Variants in MTHFD1L observed in about 807,000 individuals in gnomAD.
MTHFD1L encodes monofunctional C1-tetrahydrofolate synthase, mitochondrial.
MTHFD1L carries 81 observed loss-of-function variants against 119.5 expected under a neutral mutation model. The observed-to-expected ratio is 0.68, with a 90% confidence interval of 0.57 to 0.82. The LOEUF (loss-of-function observed/expected upper bound fraction) is 0.82, where lower values mean the gene tolerates loss of function less well. Among genes scored for constraint, MTHFD1L ranks in the 40% least tolerant of loss-of-function variants. The pLI, the probability that MTHFD1L is intolerant of heterozygous loss-of-function variation, is 0.00. For missense variants in MTHFD1L, 1,125 were observed against 1,253.4 expected (o/e 0.90, Z 1.55); for synonymous variants, 430 against 475.2 (o/e 0.90, Z 1.24).
intron 26 of MTHFD1L, among the ~76,000 whole-genome samples, chr6:151,088,964 G>A (rs1346577204): frequency 1.3e-5 from 2 of 152,214 alleles, no homozygotes; most frequent in African/African-American, 4.8e-5. Context: ...TATGTTATCT[G>A]CAGTAGAGTC....
chr6:150,900,572 A>G (rs1440940257), intron 7 of MTHFD1L, among the ~76,000 whole-genome samples: 2 of 152,024 alleles, frequency 1.3e-5, no homozygotes, highest in Non-Finnish European at 2.9e-5. Context: ...CTTCCTGCAG[A>G]CGCCTCCTCC....
chr6:151,086,164 G>T (rs73622470), intron 26 of MTHFD1L, among the ~76,000 whole-genome samples: 2 of 152,080 alleles, frequency 1.3e-5, no homozygotes, highest in African/African-American at 2.4e-5. Flanking sequence ...AGCGGTGCAG[G>T]TTCCCAGCTA....
chr6:150,962,287 T>G (rs1796562385), intron 18 of MTHFD1L, among the ~76,000 whole-genome samples: 1 of 152,198 alleles, frequency 6.6e-6, no homozygotes, highest in Non-Finnish European at 1.5e-5. Context: ...ACCCAGCCCT[T>G]AAATGTATTT....
At chr6:150,923,631 A>T (rs1362777400) in intron 10 of MTHFD1L, among the ~76,000 whole-genome samples, 2 of 147,404 alleles carry the variant, frequency 1.4e-5, no homozygotes, top group Non-Finnish European at 3.0e-5. Flanking sequence ...GGCCTACCAA[A>T]GTGCTGGGAT....
chr6:151,046,288 A>T (rs1787994536), intron 26 of MTHFD1L, among the ~76,000 whole-genome samples: 2 of 151,814 alleles, frequency 1.3e-5, no homozygotes, highest in Non-Finnish European at 2.9e-5. Context: ...ACATAGAAAA[A>T]TGGTGTTTCT....
intron 11 of MTHFD1L, 44 bp from the exon 12 acceptor site, chr6:150,936,760 G>T (rs1199088535): frequency 1.9e-6 from 3 of 1,595,664 alleles, no homozygotes; most frequent in Non-Finnish European, 2.6e-6. Flanking sequence ...TGCATAGGTT[G>T]TCTGGGAAAT....
At chr6:150,949,895 G>A in intron 16 of MTHFD1L, among the ~76,000 whole-genome samples, 1 of 152,152 alleles carries the variant, frequency 6.6e-6, no homozygotes, top group East Asian at 1.9e-4. Context: ...GGTCACATAC[G>A]CTGCACAGAA....
chr6:151,051,512 G>T (rs1419940976), intron 26 of MTHFD1L, among the ~76,000 whole-genome samples: 3 of 152,160 alleles, frequency 2.0e-5, no homozygotes, highest in Admixed American at 6.5e-5. Flanking sequence ...TATGGTTTAT[G>T]GGATCTTTGC....
chr6:151,046,502 T>TATAC (rs1554291594), intron 26 of MTHFD1L, among the ~76,000 whole-genome samples: 1 of 117,220 alleles, frequency 8.5e-6, no homozygotes, highest in African/African-American at 3.0e-5. Context: ...TATATATATA[T>TATAC]ATATATATAT....
intron 8 of MTHFD1L, among the ~76,000 whole-genome samples, chr6:150,916,756 T>TA (rs1184850669): frequency 2.1e-5 from 1 of 47,974 alleles, no homozygotes; most frequent in African/African-American, 1.4e-4. Context: ...TTTTTTTTTT[T>TA]TTTTTTTTTT....
chr6:151,069,251 T>TTCTCTCTCTCTCTCTCTCTCTCTCTC (rs371324778), intron 26 of MTHFD1L, among the ~76,000 whole-genome samples: 9 of 136,680 alleles, frequency 6.6e-5, no homozygotes, highest in African/African-American at 2.2e-4. Flanking sequence ...TTCTCTCTCT[T>TTCTCTCTCTCTCTCTCTCTCTCTCTC]TCTCTCTCTC....
intron 13 of MTHFD1L, among the ~76,000 whole-genome samples, chr6:150,942,148 C>A (rs12194637): frequency 0.65 from 98,229 of 151,804 alleles, 32,441 homozygotes; most frequent in African/African-American, 0.79. Context: ...AATCCCAGCT[C>A]CTTGGGAGGC....
intron 17 of MTHFD1L, among the ~76,000 whole-genome samples, chr6:150,958,052 T>G (rs979544928): frequency 6.6e-6 from 1 of 152,174 alleles, no homozygotes; most frequent in Admixed American, 6.5e-5. Flanking sequence ...CCATTACATA[T>G]ATTAGCACAG....
At chr6:150,954,767 G>A (rs1254624397) in intron 16 of MTHFD1L, among the ~76,000 whole-genome samples, 1 of 151,880 alleles carries the variant, frequency 6.6e-6, no homozygotes, top group Non-Finnish European at 1.5e-5. Context: ...CAAGACTCAA[G>A]CAATCCTCCC....
chr6:151,054,430 T>C (rs1789564768), intron 26 of MTHFD1L, among the ~76,000 whole-genome samples: 1 of 152,168 alleles, frequency 6.6e-6, no homozygotes, highest in African/African-American at 2.4e-5. Flanking sequence ...TTCTTTGTGA[T>C]CACAGAGTCA....
intron 10 of MTHFD1L, among the ~76,000 whole-genome samples, chr6:150,923,364 C>A (rs1789331535): frequency 6.6e-6 from 1 of 151,964 alleles, no homozygotes; most frequent in South Asian, 2.1e-4. Context: ...GATGAGTCAT[C>A]TGTGTCTGTC....
rs138478946 is a variant in MTHFD1L at position 151,015,077 on chromosome 6, T to A, written c.2408+97T>A. Reference sequence around the variant, plus strand: ...GGGTATTTGGTCTTTCTGTGCTTCATCTAAAAGTATACAGAAATACCCAGT... The same window carrying A: ...GGGTATTTGGTCTTTCTGTGCTTCAACTAAAAGTATACAGAAATACCCAGT... On this transcript the variant is annotated intron_variant, in intron 23 of 27. Transcript: ENST00000367321. The A allele has an allele frequency of 5.7e-3, 5,477 of 954,302 alleles. 26 individuals carry two copies. Among genetic ancestry groups the A allele is most frequent in the Non-Finnish European group, 7.8e-3 (4,915 of 630,368 alleles). 59.1% of individuals were successfully genotyped at this position (954,302 alleles called of 1,614,324 possible). A position where few individuals can be genotyped will look rare whatever the true frequency, so the allele number is the denominator to read the frequency against.
Position 150,902,984 on chromosome 6 carries a change from A to T in MTHFD1L, c.781-2666A>T, listed in dbSNP as rs116123755. 6.6e-4 allele frequency among the ~76,000 whole-genome samples: 100 copies of T among 152,268 alleles called. 1 individual carries two copies. The highest frequency in any genetic ancestry group is 2.1e-3 in the African/African-American group (87 of 41,540). ...TGCAGAACTGCGACAAAGCTTAAAC[A>T]TTTGTATTTCTCTTGAGGATTACTG... On this transcript the variant is annotated intron_variant, in intron 7 of 27. Transcript: ENST00000367321.
intron 11 of MTHFD1L, among the ~76,000 whole-genome samples, chr6:150,932,801 AGGAAGAGAGGG>A (rs1791302597): frequency 7.6e-6 from 1 of 132,086 alleles, no homozygotes; most frequent in Non-Finnish European, 1.6e-5. Flanking sequence ...GAAGAAAGGG[AGGAAGAGAGGG>A]AGGGAGGAAG....
Sources: allele counts gnomAD v4.1 joint callset (sites outside exome capture counted in the v4.1 genomes callset), GRCh38; gene constraint gnomAD v4.1.1; transcripts MANE v1.5; gene names NCBI Gene and HGNC (gene_info 2026-07-23, HGNC 2026-07-21).